The following KCNK10 variants were observed in gnomAD, a reference collection of about 807,000 sequenced individuals.
KCNK10 encodes potassium channel subfamily K member 10.
A neutral mutation model predicts 47.7 loss-of-function variants in KCNK10; 25 were observed. The ratio of observed to expected loss-of-function variants is 0.52; its 90% CI spans 0.38 to 0.73. The LOEUF (loss-of-function observed/expected upper bound fraction) is 0.73. KCNK10 is among the 30% of genes least tolerant of loss of function. The pLI, the probability that KCNK10 is intolerant of heterozygous loss-of-function variation, is 0.00. For synonymous variants in KCNK10, 303 were observed against 285.6 expected, an observed-to-expected ratio of 1.06 and a Z score of -0.61; for missense variants, 563 against 714.5, an observed-to-expected ratio of 0.79 and a Z score of 2.42.
At position 88,263,190 on chromosome 14, in the gene KCNK10, C is replaced by T. The variant is rs767598606; in HGVS notation, c.402+12G>A. 7.5e-6 allele frequency: 12 copies of T among 1,606,810 alleles called. No homozygotes were observed. The highest frequency in any genetic ancestry group is 1.0e-5 in the Non-Finnish European group (12 of 1,175,108). Reference sequence around the variant, plus strand: ...CACCAGCTGGCCTAAGATGGACTCACTCCCTGCTCACCTGGATCAACGTCT... The same window carrying T: ...CACCAGCTGGCCTAAGATGGACTCATTCCCTGCTCACCTGGATCAACGTCT... On this transcript the variant is annotated intron_variant, in intron 2 of 6. Transcript: ENST00000319231.
At chr14:88,214,390 G>T (rs1290770935) in intron 4 of KCNK10, among the ~76,000 whole-genome samples, 1 of 152,192 alleles carries the variant, frequency 6.6e-6, no homozygotes. Flanking sequence ...TTAACATTAA[G>T]CAGGTTGTAC....
intron 2 of KCNK10, among the ~76,000 whole-genome samples, chr14:88,246,449 C>T (rs780619426): frequency 1.3e-5 from 2 of 152,114 alleles, no homozygotes; most frequent in African/African-American, 2.4e-5. Flanking sequence ...CATTTATGGC[C>T]GAAGAGCCTC....
At chr14:88,224,809 C>T (rs1182450326) in intron 4 of KCNK10, among the ~76,000 whole-genome samples, 1 of 152,188 alleles carries the variant, frequency 6.6e-6, no homozygotes. Flanking sequence ...AGGGTTTCAC[C>T]ATCTTGGCCA....
At chr14:88,236,244 G>C (rs544800282) in intron 3 of KCNK10, among the ~76,000 whole-genome samples, 3 of 152,160 alleles carry the variant, frequency 2.0e-5, no homozygotes, top group Non-Finnish European at 4.4e-5. Context: ...TTGGGCCCAG[G>C]AGTTGGAGAC....
At chr14:88,294,197 A>G (rs959998782) in intron 1 of KCNK10, among the ~76,000 whole-genome samples, 3 of 152,238 alleles carry the variant, frequency 2.0e-5, no homozygotes, top group Non-Finnish European at 4.4e-5. Flanking sequence ...AATCACCACC[A>G]TGATAATTAA....
intron 1 of KCNK10, among the ~76,000 whole-genome samples, chr14:88,264,759 C>A (rs917996685): frequency 4.6e-5 from 7 of 152,232 alleles, no homozygotes; most frequent in African/African-American, 1.7e-4. Context: ...CAGATTTACA[C>A]AAACGCAAAA....
intron 1 of KCNK10, among the ~76,000 whole-genome samples, chr14:88,312,020 A>G (rs1888338728): frequency 6.6e-6 from 1 of 152,100 alleles, no homozygotes; most frequent in South Asian, 2.1e-4. Context: ...ATCTCCATTC[A>G]ACACACTCTC....
At chr14:88,246,291 A>G (rs1384916399) in intron 2 of KCNK10, among the ~76,000 whole-genome samples, 2 of 142,316 alleles carry the variant, frequency 1.4e-5, no homozygotes, top group African/African-American at 2.6e-5. Flanking sequence ...AAAAAAAGGG[A>G]GCCTATTCCA....
intron 2 of KCNK10, among the ~76,000 whole-genome samples, chr14:88,262,858 T>G (rs1887148683): frequency 6.6e-6 from 1 of 152,152 alleles, no homozygotes; most frequent in African/African-American, 2.4e-5. Flanking sequence ...AATTCTTTCC[T>G]TCTTCGGGTT....
chr14:88,323,316 C>T (rs1398163281), upstream of KCNK10: 2 of 983,660 alleles, frequency 2.0e-6, no homozygotes, highest in Non-Finnish European at 2.4e-6. Flanking sequence ...GCACACGCCC[C>T]ACCCCGGCCG....
chr14:88,180,221 GT>G lies in KCNK10; in HGVS notation c.*5313del, dbSNP rs1884295544. ...TTATTGAAATGTCACAAGCAAATTT[GT>G]TTTGTACTTTCCCTAAGAACATTAT... On this transcript the variant is annotated 3_prime_UTR_variant, in exon 7 of 7. Coordinates refer to ENST00000319231, the MANE Select transcript of KCNK10 (RefSeq NM_138317.3). 1 of 152,198 alleles carries G rather than the reference GT, an allele frequency of 6.6e-6. No homozygotes were observed. The highest frequency in any genetic ancestry group is 1.9e-4 in the East Asian group (1 of 5,342). The allele number at this position is 152,198 out of a possible 1,614,324, so 9.4% of individuals were successfully genotyped here.
At chr14:88,187,738 C>G (rs760899268) in intron 6 of KCNK10, among the ~76,000 whole-genome samples, 1 of 151,712 alleles carries the variant, frequency 6.6e-6, no homozygotes, top group South Asian at 2.1e-4. Flanking sequence ...GGCTGGTAAA[C>G]GAATCACCAT....
intron 3 of KCNK10, among the ~76,000 whole-genome samples, chr14:88,232,327 AT>A (rs1272715905): frequency 6.6e-6 from 1 of 152,256 alleles, no homozygotes; most frequent in East Asian, 1.9e-4. Flanking sequence ...GTATTTCACA[AT>A]TAATGAAATA....
chr14:88,266,758 C>T (rs1233763098), intron 1 of KCNK10, among the ~76,000 whole-genome samples: 2 of 152,192 alleles, frequency 1.3e-5, no homozygotes, highest in Admixed American at 1.3e-4. Context: ...GGAACATGTT[C>T]CACAGCACCA....
chr14:88,204,942 T>A (rs1038382828), intron 4 of KCNK10, among the ~76,000 whole-genome samples: 6 of 152,162 alleles, frequency 3.9e-5, no homozygotes, highest in African/African-American at 4.8e-5. Context: ...GTGCTGTACA[T>A]CCTATGGGTT....
In KCNK10 at chr14:88,185,843, C is replaced by T; in HGVS notation, c.1324G>A (p.Gly442Ser). 1.2e-6 allele frequency: 2 copies of T among 1,614,118 alleles called. No homozygotes were observed. Among genetic ancestry groups the T allele is most frequent in the Non-Finnish European group, 1.7e-6 (2 of 1,180,032 alleles). Reference sequence around the variant, plus strand: ...TTGATGATGTTGTCCTCGGACGCACCCTGCCCATGCTTGTTCAGCTGCTCC... The same window carrying T: ...TTGATGATGTTGTCCTCGGACGCACTCTGCCCATGCTTGTTCAGCTGCTCC... ...GPEQLNKHGQ[G>S]ASEDNIINKF... is the part of the protein sequence containing the mutation. The change falls in exon 7 of 7, where the codon GGT becomes AGT. Residue 442 changes from glycine (G) to serine (S), a missense_variant. Gly to Ser is a moderately conservative substitution (Grantham distance 56). Transcript: ENST00000319231. This position sits in a 1 kb window ranked among gnomAD's most constrained non-coding sequence, Gnocchi z 4.3.
chr14:88,204,932 G>A (rs576972713), intron 4 of KCNK10, among the ~76,000 whole-genome samples: 1 of 152,246 alleles, frequency 6.6e-6, no homozygotes, highest in African/African-American at 2.4e-5. Context: ...TTCACTGTTG[G>A]TGCTGTACAT....
At chr14:88,261,032 A>G (rs1453883821) in intron 2 of KCNK10, among the ~76,000 whole-genome samples, 3 of 152,246 alleles carry the variant, frequency 2.0e-5, no homozygotes. Context: ...ATTAATCAAC[A>G]AATGCATGGA....
intron 1 of KCNK10, among the ~76,000 whole-genome samples, chr14:88,286,929 G>C (rs542385674): frequency 6.6e-6 from 1 of 152,228 alleles, no homozygotes; most frequent in Admixed American, 6.5e-5. Flanking sequence ...CATCTATTGA[G>C]GTGCACCCTA....
Sources: gnomAD v4.1 joint callset for allele counts (sites outside exome capture counted in the v4.1 genomes callset) on GRCh38, gnomAD v4.1.1 for gene constraint, Gnocchi (gnomAD v3.1) non-coding constraint, MANE v1.5 for transcripts, NCBI Gene and HGNC (gene_info 2026-07-23, HGNC 2026-07-21) for gene names.